Variants in TMEM45B observed in about 807,000 individuals in gnomAD.
TMEM45B encodes transmembrane protein 45B.
A neutral mutation model predicts 27.3 loss-of-function variants in TMEM45B; 29 were observed. The observed-to-expected ratio is 1.06, with a 90% CI of 0.79 to 1.45. TMEM45B has a LOEUF of 1.45. Ranked by LOEUF, TMEM45B falls within the 40% of genes most tolerant of loss-of-function variation. The pLI, the probability that TMEM45B is intolerant of heterozygous loss-of-function variation, is 0.00. For missense variants in TMEM45B, 348 were observed against 343.9 expected (o/e 1.01, Z -0.09); for synonymous variants, 143 against 134.7 (o/e 1.06, Z -0.43).
At chr11:129,856,857 C>CTT (rs34320792) in intron 4 of TMEM45B, among the ~76,000 whole-genome samples, 14 of 129,724 alleles carry the variant, frequency 1.1e-4, no homozygotes, top group African/African-American at 3.5e-4. Context: ...CCGCGCCCGG[C>CTT]TTTTTTTTTT....
intron 1 of TMEM45B, chr11:129,828,375 A>G (rs1276744383): frequency 1.3e-5 from 2 of 152,218 alleles, no homozygotes; most frequent in African/African-American, 4.8e-5. Context: ...AACCTCCCAC[A>G]CAGGAAATAA....
chr11:129,854,755 G>C lies in TMEM45B; in HGVS notation c.324G>C (p.Leu108=), dbSNP rs1280699231. The C allele has an allele frequency of 5.0e-6, 8 of 1,614,174 alleles. No homozygotes were observed. In the Middle Eastern group the frequency reaches 8.2e-4, roughly 166 times the overall value. ...VSGIVDMLTY[L]VSHVPLGVDR... is the part of the protein sequence containing the mutation. ...GAATTGTTGACATGCTCACCTATCTGGTCAGCCACGTTCCCTTGGGGGTGG... is the reference window on the plus strand; with the variant it reads ...GAATTGTTGACATGCTCACCTATCTCGTCAGCCACGTTCCCTTGGGGGTGG... The change falls in exon 3 of 6, where the codon CTG becomes CTC. Residue 108 remains leucine, a synonymous_variant. Transcript: ENST00000281441.
intron 1 of TMEM45B, among the ~76,000 whole-genome samples, chr11:129,829,386 G>A (rs1266462264): frequency 6.6e-6 from 1 of 152,180 alleles, no homozygotes; most frequent in Non-Finnish European, 1.5e-5. Flanking sequence ...GGGCACATAG[G>A]AACATAATGT....
Position 129,858,638 on chromosome 11 carries a change from G to T in TMEM45B, c.781G>T (p.Asp261Tyr). 1.3e-6 allele frequency: 2 copies of T among 1,582,002 alleles called. No individual in the cohort carries two copies. The highest frequency in any genetic ancestry group is 1.7e-6 in the Non-Finnish European group (2 of 1,162,834). Residue 261 changes from aspartate (D) to tyrosine (Y), a missense_variant, in exon 6 of 6, where the codon GAT becomes TAT. Transcript: ENST00000281441. The stretch of plus-strand genomic sequence containing the variant: ...CATTGGAATTCAGAAGCTGAATTCA[G>T]ATGACACTTACCAGACCGCCCTCTT... ...EIIGIQKLNSDDTYQTALLSG... is the reference protein window; with the variant it reads ...EIIGIQKLNSYDTYQTALLSG...
intron 4 of TMEM45B, among the ~76,000 whole-genome samples, chr11:129,856,473 A>C (rs963216219): frequency 2.6e-5 from 4 of 151,748 alleles, no homozygotes; most frequent in Non-Finnish European, 4.4e-5. Flanking sequence ...AGCCTCCCAA[A>C]GAGCTGGGAT....
intron 1 of TMEM45B, among the ~76,000 whole-genome samples, chr11:129,847,614 A>G (rs1196232061): frequency 1.3e-5 from 2 of 151,208 alleles, no homozygotes; most frequent in East Asian, 3.9e-4. Context: ...GCCTTCAAGC[A>G]TCTGTTTAAC....
intron 1 of TMEM45B, among the ~76,000 whole-genome samples, chr11:129,836,051 G>T (rs1220544736): frequency 6.6e-6 from 1 of 152,118 alleles, no homozygotes; most frequent in African/African-American, 2.4e-5. Context: ...CCAGGAGGCA[G>T]AGGGTGGAGT....
chr11:129,815,972 C>CGG, intron 1 of TMEM45B, 74 bp downstream of exon 1: 2 of 1,257,244 alleles, frequency 1.6e-6, no homozygotes, highest in Non-Finnish European at 2.0e-6. Context: ...CGCCAAGGAG[C>CGG]GGGGCTGTGA....
chr11:129,823,869 A>G (rs189857304), intron 1 of TMEM45B, among the ~76,000 whole-genome samples: 36 of 152,060 alleles, frequency 2.4e-4, no homozygotes, highest in Non-Finnish European at 4.7e-4. Flanking sequence ...CTCATGTTCC[A>G]TCCCTTGACT....
chr11:129,825,979 G>GTT (rs143918066), intron 1 of TMEM45B, among the ~76,000 whole-genome samples: 29 of 149,018 alleles, frequency 1.9e-4, no homozygotes, highest in African/African-American at 4.4e-4. Flanking sequence ...TATATGTAAG[G>GTT]TTTTTTTTGG....
chr11:129,829,607 A>G (rs540085375), intron 1 of TMEM45B, among the ~76,000 whole-genome samples: 136 of 152,278 alleles, frequency 8.9e-4, no homozygotes, highest in African/African-American at 3.2e-3. Flanking sequence ...CAGCCTTTGC[A>G]TGTGTTATTT....
At chr11:129,857,885 C>T (rs949668465) in intron 5 of TMEM45B, among the ~76,000 whole-genome samples, 7 of 152,184 alleles carry the variant, frequency 4.6e-5, no homozygotes, top group Non-Finnish European at 8.8e-5. Context: ...AAACTGCACT[C>T]CACCCCTCAC....
At position 129,852,505 on chromosome 11, in the gene TMEM45B, C is replaced by T. The variant is rs767769433; in HGVS notation, c.23C>T (p.Ala8Val). MANFKGH[A>V]LPGSFFLIIG... ...CTGATGGCAAATTTCAAGGGCCACG[C>T]GCTTCCAGGGAGTTTCTTCCTGATC... Residue 8 changes from alanine to valine, a missense_variant, in exon 2 of 6, where the codon GCG (alanine) becomes GTG (valine). Ala to Val is a moderately conservative substitution (Grantham distance 64). Transcript: ENST00000281441. The T allele has an allele frequency of 1.3e-5, 21 of 1,604,576 alleles. No homozygotes were observed. The highest frequency in any genetic ancestry group is 2.2e-5 in the East Asian group (1 of 44,620).
chr11:129,855,661 G>A (rs1324094506), intron 3 of TMEM45B, 47 bp from the exon 4 acceptor site: 7 of 1,607,420 alleles, frequency 4.4e-6, no homozygotes, highest in Admixed American at 3.3e-5. Flanking sequence ...TTCGGTGATG[G>A]TGAAAGCCAA....
intron 5 of TMEM45B, among the ~76,000 whole-genome samples, chr11:129,858,076 A>C (rs754231569): frequency 1.7e-4 from 26 of 152,184 alleles, no homozygotes; most frequent in Non-Finnish European, 1.3e-4. Context: ...GAGTAACTTG[A>C]CCAAGGTCAC....
At chr11:129,848,131 C>T (rs1287308855) in intron 1 of TMEM45B, among the ~76,000 whole-genome samples, 3 of 152,030 alleles carry the variant, frequency 2.0e-5, no homozygotes, top group East Asian at 1.9e-4. Flanking sequence ...CGGGCAGAGG[C>T]TGCAATCTCG....
At chr11:129,841,289 C>G (rs1283845731) in intron 1 of TMEM45B, among the ~76,000 whole-genome samples, 1 of 152,204 alleles carries the variant, frequency 6.6e-6, no homozygotes, top group Non-Finnish European at 1.5e-5. Context: ...GGAATGAACA[C>G]TTGGAAATGA....
intron 1 of TMEM45B, among the ~76,000 whole-genome samples, chr11:129,825,689 C>A (rs1422828676): frequency 6.6e-6 from 1 of 152,152 alleles, no homozygotes; most frequent in Non-Finnish European, 1.5e-5. Flanking sequence ...TCTGCCTGCT[C>A]ACTAATGTCA....
intron 1 of TMEM45B, among the ~76,000 whole-genome samples, chr11:129,829,515 T>C (rs1947523863): frequency 6.6e-6 from 1 of 152,192 alleles, no homozygotes; most frequent in Non-Finnish European, 1.5e-5. Context: ...GTAAAGAAGG[T>C]GGGAATGATA....
Sources: allele counts gnomAD v4.1 joint callset (sites outside exome capture counted in the v4.1 genomes callset), GRCh38; gene constraint gnomAD v4.1.1; transcripts MANE v1.5; gene names NCBI Gene and HGNC (gene_info 2026-07-23, HGNC 2026-07-21).